Variants in AK4 observed in about 807,000 individuals in gnomAD.
The protein encoded by AK4 is adenylate kinase 4, mitochondrial.
In AK4, 13 loss-of-function variants were observed where a neutral mutation model predicts 24.6. The ratio of observed to expected loss-of-function variants is 0.53; its 90% CI spans 0.34 to 0.84. The LOEUF (loss-of-function observed/expected upper bound fraction) is 0.84. Among genes scored for constraint, AK4 ranks in the 40% least tolerant of loss-of-function variants. AK4 has a pLI of 0.01. For synonymous variants in AK4, 88 were observed against 107.0 expected (o/e 0.82, Z 1.10); for missense variants, 192 against 288.2 (o/e 0.67, Z 2.42).
upstream of AK4, chr1:65,147,792 C>G (rs1049151314): frequency 5.9e-5 from 9 of 152,534 alleles, no homozygotes; most frequent in Admixed American, 2.0e-4. Context: ...GCGCGGGCGG[C>G]GGGCAGCGGC....
chr1:65,172,067 ATATATATATATATATAT>A, intron 1 of AK4, among the ~76,000 whole-genome samples: 1 of 24,368 alleles, frequency 4.1e-5, no homozygotes, highest in African/African-American at 5.7e-4. Flanking sequence ...TCTCAAGTAT[ATATATATATATATATAT>A]ATATATATAT....
intron 1 of AK4, among the ~76,000 whole-genome samples, chr1:65,183,803 G>A (rs914982054): frequency 6.6e-6 from 1 of 152,042 alleles, no homozygotes; most frequent in East Asian, 1.9e-4. Flanking sequence ...GATGCAGAAT[G>A]TGAGTCCAAC....
rs1303573526 is a variant in AK4, at chr1:65,220,015, C to G, written c.438+1089C>G. On this transcript the variant is annotated intron_variant, in intron 3 of 4. Coordinates refer to ENST00000327299, the MANE Select transcript of AK4 (RefSeq NM_013410.4). Reference sequence around the variant, plus strand: ...TCATATAGTATATCTACTTATCAGACTTGGCTCCTTTCACTTAGTGATATG... The same window carrying G: ...TCATATAGTATATCTACTTATCAGAGTTGGCTCCTTTCACTTAGTGATATG... Among the ~76,000 whole-genome samples the G allele has an allele frequency of 2.6e-5, 4 of 152,190 alleles. No individual in the cohort carries two copies. In the East Asian group the frequency reaches 7.7e-4, roughly 29 times the overall value.
chr1:65,178,911 T>C (rs1040245750), intron 1 of AK4, among the ~76,000 whole-genome samples: 1 of 152,202 alleles, frequency 6.6e-6, no homozygotes, highest in Non-Finnish European at 1.5e-5. Context: ...CCTTGAATGC[T>C]ATCCTAAGGA....
intron 1 of AK4, among the ~76,000 whole-genome samples, chr1:65,184,369 C>T (rs904997327): frequency 6.6e-6 from 1 of 152,094 alleles, no homozygotes; most frequent in Non-Finnish European, 1.5e-5. Context: ...TTTTATATGT[C>T]GCCTTAATCA....
At chr1:65,182,022 C>T (rs1650925410) in intron 1 of AK4, among the ~76,000 whole-genome samples, 1 of 152,048 alleles carries the variant, frequency 6.6e-6, no homozygotes, top group African/African-American at 2.4e-5. Flanking sequence ...CTCAAGTGAT[C>T]CTCCCACTTC....
At chr1:65,192,895 G>A (rs1651352304) in intron 2 of AK4, among the ~76,000 whole-genome samples, 1 of 152,254 alleles carries the variant, frequency 6.6e-6, no homozygotes, top group South Asian at 2.1e-4. Flanking sequence ...TGGGCACACT[G>A]GGATGGGAGT....
chr1:65,150,248 T>G (rs1305788019), intron 1 of AK4, among the ~76,000 whole-genome samples: 1 of 151,000 alleles, frequency 6.6e-6, no homozygotes, highest in African/African-American at 2.5e-5. Flanking sequence ...ATTTTCCATT[T>G]GCTCTTTTCC....
intron 1 of AK4, among the ~76,000 whole-genome samples, chr1:65,176,047 C>T (rs759945799): frequency 3.3e-4 from 50 of 152,108 alleles, no homozygotes; most frequent in Non-Finnish European, 5.7e-4. Context: ...ACTTTCACTA[C>T]TTATTTAATT....
chr1:65,211,216 C>T (rs1651960763), intron 2 of AK4, among the ~76,000 whole-genome samples: 1 of 150,952 alleles, frequency 6.6e-6, no homozygotes, highest in Admixed American at 6.7e-5. Flanking sequence ...AAGACCCTGT[C>T]TCTGCAGAAG....
chr1:65,180,335 C>T (rs747862301), intron 1 of AK4, among the ~76,000 whole-genome samples: 2 of 152,172 alleles, frequency 1.3e-5, no homozygotes, highest in Non-Finnish European at 2.9e-5. Context: ...GTGTTCCCAG[C>T]TACTTAGGAG....
At chr1:65,172,612 T>C (rs1650572780) in intron 1 of AK4, among the ~76,000 whole-genome samples, 1 of 152,182 alleles carries the variant, frequency 6.6e-6, no homozygotes, top group South Asian at 2.1e-4. Context: ...GTTTGATTTA[T>C]GACGGAAACA....
At chr1:65,151,610 G>A (rs923964292) in intron 1 of AK4, among the ~76,000 whole-genome samples, 17 of 152,066 alleles carry the variant, frequency 1.1e-4, no homozygotes, top group African/African-American at 4.1e-4. Flanking sequence ...TGGAGGACAG[G>A]GATCAGGCAA....
Position 65,186,458 on chromosome 1 carries a change from A to G in AK4, c.146-4252A>G, listed in dbSNP as rs561510030. 1.0e-3 allele frequency among the ~76,000 whole-genome samples: 152 copies of G among 151,738 alleles called. 1 individual carries two copies. The highest frequency in any genetic ancestry group is 3.5e-3 in the African/African-American group (147 of 41,456). On this transcript the variant is annotated intron_variant, in intron 1 of 4. Coordinates refer to ENST00000327299, the MANE Select transcript of AK4 (RefSeq NM_013410.4). The stretch of plus-strand genomic sequence containing the variant: ...AACACATTTTTATGGGTCATCTAAT[A>G]TATGCCAGACTATATTTTAAGCACT...
At chr1:65,223,721 G>T (rs574449887) in intron 3 of AK4, among the ~76,000 whole-genome samples, 1 of 152,028 alleles carries the variant, frequency 6.6e-6, no homozygotes, top group African/African-American at 2.4e-5. Context: ...CCAGCCAGGC[G>T]CAGTGGCTTA....
At chr1:65,219,035 A>G in intron 3 of AK4, 109 bp downstream of exon 3, 1 of 762,950 alleles carries the variant, frequency 1.3e-6, no homozygotes, top group East Asian at 3.3e-5. Flanking sequence ...GAACAAATCT[A>G]CATGACCAAA....
intron 2 of AK4, among the ~76,000 whole-genome samples, chr1:65,202,790 T>G (rs115514468): frequency 0.011 from 1,656 of 151,258 alleles, 6 homozygotes; most frequent in Non-Finnish European, 0.016. Context: ...TAAGAAGACA[T>G]TAACATGATA....
At chr1:65,218,578 A>G (rs1028587995) in intron 2 of AK4, among the ~76,000 whole-genome samples, 176 bp from the exon 3 acceptor site, 6 of 152,216 alleles carry the variant, frequency 3.9e-5, no homozygotes, top group Non-Finnish European at 8.8e-5. Context: ...GGTTTGTGAC[A>G]TGGATTTATT....
chr1:65,209,493 C>A (rs1444344279), intron 2 of AK4, among the ~76,000 whole-genome samples: 3 of 152,210 alleles, frequency 2.0e-5, no homozygotes, highest in African/African-American at 7.2e-5. Flanking sequence ...GCATTCTACT[C>A]CAGTTGGTCA....
Sources: allele counts gnomAD v4.1 joint callset (sites outside exome capture counted in the v4.1 genomes callset), GRCh38; gene constraint gnomAD v4.1.1; transcripts MANE v1.5; gene names NCBI Gene and HGNC (gene_info 2026-07-23, HGNC 2026-07-21).